LHFPL3: variants seen among roughly 807,000 people sequenced by gnomAD.
The protein encoded by LHFPL3 is LHFPL tetraspan subfamily member 3 protein.
LHFPL3 carries 5 observed loss-of-function variants against 19.3 expected under a neutral mutation model. The ratio of observed to expected loss-of-function variants is 0.26; its 90% confidence interval spans 0.14 to 0.54. The LOEUF is 0.54. Among genes scored for constraint, LHFPL3 ranks in the 20% least tolerant of loss-of-function variants. The pLI is 0.94. For synonymous variants in LHFPL3, 133 were observed against 126.2 expected (o/e 1.05, Z -0.36); for missense variants, 249 against 307.4 (o/e 0.81, Z 1.42).
intron 1 of LHFPL3, among the ~76,000 whole-genome samples, chr7:104,559,583 G>GA (rs575500412): frequency 7.8e-4 from 118 of 152,202 alleles, no homozygotes; most frequent in African/African-American, 2.5e-3. Flanking sequence ...ATTTTGGGCT[G>GA]AGACGATGGG....
At chr7:104,732,835 C>G (rs1793730870) in intron 1 of LHFPL3, among the ~76,000 whole-genome samples, 1 of 152,160 alleles carries the variant, frequency 6.6e-6, no homozygotes. Context: ...AATTTTAGAT[C>G]TTTCCTGCTT....
intron 1 of LHFPL3, among the ~76,000 whole-genome samples, chr7:104,329,601 G>A (rs1233801643): frequency 6.6e-6 from 1 of 152,202 alleles, no homozygotes; most frequent in African/African-American, 2.4e-5. Context: ...GGACTGACAG[G>A]GCGAAGTGAA....
At chr7:104,544,670 A>T (rs1264883100) in intron 1 of LHFPL3, among the ~76,000 whole-genome samples, 1 of 152,044 alleles carries the variant, frequency 6.6e-6, no homozygotes, top group African/African-American at 2.4e-5. Flanking sequence ...GTTCCTCTCC[A>T]CTCAGCCCTT....
chr7:104,598,727 C>G (rs2115684351), intron 1 of LHFPL3, among the ~76,000 whole-genome samples: 1 of 152,342 alleles, frequency 6.6e-6, no homozygotes, highest in Middle Eastern at 3.4e-3. Flanking sequence ...TTTCATCAAA[C>G]AAAGGCAATT....
intron 1 of LHFPL3, among the ~76,000 whole-genome samples, chr7:104,576,710 GC>G (rs1307884312): frequency 6.6e-6 from 1 of 152,052 alleles, no homozygotes; most frequent in Non-Finnish European, 1.5e-5. Context: ...GGACCCTGTA[GC>G]CCCCAGTGCC....
intron 1 of LHFPL3, chr7:104,668,161 G>A: frequency 6.2e-7 from 1 of 1,614,038 alleles, no homozygotes; most frequent in Non-Finnish European, 8.5e-7. Flanking sequence ...AGGCTGAAAG[G>A]TTTTGGTTAT....
chr7:104,498,388 C>T (rs1264006456), intron 1 of LHFPL3, among the ~76,000 whole-genome samples: 1 of 152,064 alleles, frequency 6.6e-6, no homozygotes, highest in African/African-American at 2.4e-5. Flanking sequence ...GATATCTTGT[C>T]TTCGTGCTCA....
intron 2 of LHFPL3, among the ~76,000 whole-genome samples, chr7:104,791,876 A>G (rs534319192): frequency 7.9e-4 from 120 of 152,226 alleles, no homozygotes; most frequent in African/African-American, 2.7e-3. Flanking sequence ...GTCAGCATTT[A>G]AGAGGTCTTT....
At chr7:104,354,253 A>G (rs1422201884) in intron 1 of LHFPL3, among the ~76,000 whole-genome samples, 1 of 152,196 alleles carries the variant, frequency 6.6e-6, no homozygotes, top group African/African-American at 2.4e-5. Flanking sequence ...AGTACTCCAG[A>G]GTTGCGTCCA....
chr7:104,705,504 A>G (rs967764761), intron 1 of LHFPL3, among the ~76,000 whole-genome samples: 11 of 152,146 alleles, frequency 7.2e-5, no homozygotes, highest in Non-Finnish European at 1.5e-4. Context: ...TATTTGTTAG[A>G]GTTCTCTCCC....
intron 2 of LHFPL3, among the ~76,000 whole-genome samples, chr7:104,834,746 C>A (rs1791058814): frequency 6.6e-6 from 1 of 151,904 alleles, no homozygotes; most frequent in Non-Finnish European, 1.5e-5. Flanking sequence ...GCAGGTCCTG[C>A]AGGCGGAGAG....
intron 1 of LHFPL3, among the ~76,000 whole-genome samples, chr7:104,671,879 A>G (rs1034209547): frequency 2.0e-5 from 3 of 152,176 alleles, no homozygotes; most frequent in Non-Finnish European, 2.9e-5. Context: ...TGGAGTTTGA[A>G]TTTCTCTTAC....
chr7:104,520,482 C>T (rs1228058102), intron 1 of LHFPL3, among the ~76,000 whole-genome samples: 2 of 145,392 alleles, frequency 1.4e-5, no homozygotes, highest in East Asian at 3.9e-4. Context: ...AGGGAGGATT[C>T]CCTCTTTTTC....
chr7:104,629,992 C>T (rs1791612007), intron 1 of LHFPL3, among the ~76,000 whole-genome samples: 1 of 152,158 alleles, frequency 6.6e-6, no homozygotes, highest in African/African-American at 2.4e-5. Context: ...TGACAAAGAG[C>T]TAAAAGTTCC....
chr7:104,575,330 A>C (rs1790305263), intron 1 of LHFPL3, among the ~76,000 whole-genome samples: 1 of 152,080 alleles, frequency 6.6e-6, no homozygotes, highest in African/African-American at 2.4e-5. Context: ...GGTTTTCATT[A>C]AGTGTCTGAT....
intron 1 of LHFPL3, among the ~76,000 whole-genome samples, chr7:104,610,787 C>G (rs1272714375): frequency 6.6e-6 from 1 of 152,226 alleles, no homozygotes; most frequent in Non-Finnish European, 1.5e-5. Context: ...CCCTCATAGG[C>G]ACACCCAGAA....
At chr7:104,551,574 A>T (rs2115910209) in intron 1 of LHFPL3, among the ~76,000 whole-genome samples, 1 of 152,228 alleles carries the variant, frequency 6.6e-6, no homozygotes, top group Non-Finnish European at 1.5e-5. Flanking sequence ...AGAATAATTT[A>T]TTCACAAATG....
chr7:104,722,406 C>G (rs1369622878), intron 1 of LHFPL3, among the ~76,000 whole-genome samples: 1 of 152,146 alleles, frequency 6.6e-6, no homozygotes, highest in Admixed American at 6.5e-5. Flanking sequence ...TCCTCTATCT[C>G]CCTAAGGGAT....
chr7:104,448,117 C>G (rs552088077), intron 1 of LHFPL3, among the ~76,000 whole-genome samples: 12 of 152,112 alleles, frequency 7.9e-5, no homozygotes, highest in Admixed American at 1.3e-4. Flanking sequence ...TTATATTTCC[C>G]CCCTCAAGTC....
Sources: gnomAD v4.1 joint callset for allele counts (sites outside exome capture counted in the v4.1 genomes callset) on GRCh38, gnomAD v4.1.1 for gene constraint, MANE v1.5 for transcripts, NCBI Gene and HGNC (gene_info 2026-07-23, HGNC 2026-07-21) for gene names.